GREP1: variants seen among roughly 807,000 people sequenced by gnomAD.
GREP1 encodes the protein glycine rich extracellular protein 1, also known as glycine-rich extracellular protein 1.
chr16:2,995,006 G>A (rs897942217), intron 13 of GREP1, 44 bp downstream of exon 14: 9 of 398,920 alleles, frequency 2.3e-5, no homozygotes, highest in African/African-American at 4.1e-5. Context: ...GCATCTGGGC[G>A]GCCTCTTCCT....
rs1421987919 is a variant in GREP1, at chr16:2,992,991, T to C, written c.385+28T>C. ...GAGCCACTCCCTGTCCCTGTCTCCCTGCCCATTTCCTATGCATCTGCCGCT... is the reference window on the plus strand; with the variant it reads ...GAGCCACTCCCTGTCCCTGTCTCCCCGCCCATTTCCTATGCATCTGCCGCT... On this transcript the variant is annotated intron_variant, in intron 10 of 34. Coordinates refer to ENST00000573315, the Ensembl canonical transcript of GREP1. The surrounding 1 kb of genome is among the most constrained non-coding windows in gnomAD (Gnocchi z 4.9). 4 of 398,932 alleles carry C rather than the reference T, an allele frequency of 1.0e-5. No individual in the cohort carries two copies. Among genetic ancestry groups the C allele is most frequent in the Non-Finnish European group, 1.8e-5 (4 of 226,082 alleles). 24.7% of individuals were successfully genotyped at this position (398,932 alleles called of 1,614,324 possible). A position where few individuals can be genotyped will look rare whatever the true frequency, so the allele number is the denominator to read the frequency against.
chr16:2,998,059 A>G (rs2072435957), intron 23 of GREP1, among the ~76,000 whole-genome samples: 1 of 69,778 alleles, frequency 1.4e-5, no homozygotes, highest in Non-Finnish European at 3.1e-5. Flanking sequence ...TCAGTGGGGG[A>G]AGGGGTGGGG....
At chr16:2,990,309 CCTCT>C (rs916706955) in intron 5 of GREP1, 187 bp downstream of exon 5, 113 of 398,156 alleles carry the variant, frequency 2.8e-4, no homozygotes, top group African/African-American at 2.1e-3. Context: ...CCTCAGCTCA[CCTCT>C]CTCTCTCCCA....
intron 7 of GREP1, 116 bp from the exon 7 acceptor site, chr16:2,990,932 A>AGCCAGAGGCGAGGCCGCCCCACAC (rs1190418597): frequency 2.5e-6 from 1 of 398,690 alleles, no homozygotes; most frequent in Non-Finnish European, 4.4e-6. Context: ...AAGCCCCAGA[A>AGCCAGAGGCGAGGCCGCCCCACAC]GCCAGAGGCG....
intron 12 of GREP1, 44 bp from the exon 14 acceptor site, chr16:2,994,883 G>T (rs1596462167): frequency 2.3e-5 from 9 of 399,218 alleles, no homozygotes; most frequent in Non-Finnish European, 4.0e-5. Context: ...CAAAACCTGA[G>T]CTCCCTCCCC....
In GREP1 at chr16:3,001,380, C is replaced by T. The variant is rs555752631; in HGVS notation, c.1585+46C>T. ...CCGAGCCGCCTGCCCAAAGGCCCCC[C>T]GTGGTCACCCCTCCAGCCATACTGG... On this transcript the variant is annotated intron_variant, in intron 34 of 34. Coordinates refer to ENST00000573315, the Ensembl canonical transcript of GREP1. 27 of 399,128 alleles carry T rather than the reference C, an allele frequency of 6.8e-5. No individual in the cohort carries two copies. The South Asian group carries it at 2.9e-3, about 43-fold the overall frequency. The allele number at this position is 399,128 out of a possible 1,614,324, so 24.7% of individuals were successfully genotyped here. A position where few individuals can be genotyped will look rare whatever the true frequency, so the allele number is the denominator to read the frequency against.
Position 2,991,072 on chromosome 16 carries a change from C to T in GREP1, c.293C>T (p.Ala98Val), listed in dbSNP as rs945911849. 12 of 399,006 alleles carry T rather than the reference C, an allele frequency of 3.0e-5. No homozygotes were observed. The highest frequency in any genetic ancestry group is 1.3e-4 in the South Asian group (1 of 7,856). The allele number at this position is 399,006 out of a possible 1,614,324, so 24.7% of individuals were successfully genotyped here. A position where few individuals can be genotyped will look rare whatever the true frequency, so the allele number is the denominator to read the frequency against. ...GGATATGGAAACGGGCTGGGAGCAG[C>T]GGCCTTCCCAGTGGCCGGAGCCCAG... The change falls in exon 8 of 35, where the codon GCG becomes GTG. Residue 98 changes from alanine (A) to valine (V), a missense_variant. By Grantham distance (64) the Ala-to-Val change is moderately conservative. Coordinates refer to ENST00000573315, the Ensembl canonical transcript of GREP1. The surrounding 1 kb of genome is among the most constrained non-coding windows in gnomAD (Gnocchi z 4.9).
chr16:3,001,146 C>G (rs1200184556), intron 33 of GREP1, 135 bp from the exon 28 acceptor site: 2 of 398,072 alleles, frequency 5.0e-6, no homozygotes, highest in Non-Finnish European at 8.9e-6. Flanking sequence ...CCCCCCGGTC[C>G]TCTGAGAAAC....
At position 2,991,472 on chromosome 16, in the gene GREP1, C is replaced by T. The variant is rs1363494654; in HGVS notation, c.322+371C>T. On this transcript the variant is annotated intron_variant, in intron 8 of 34. Coordinates refer to ENST00000573315, the Ensembl canonical transcript of GREP1. The surrounding 1 kb of genome is among the most constrained non-coding windows in gnomAD (Gnocchi z 4.9). ...GCTGGGCAGGGGCCGCAGGGAGGGG[C>T]GGGCAGGAGGGTTTAGGGTCCCAAC... 4 of 197,854 alleles carry T rather than the reference C, an allele frequency of 2.0e-5. No homozygotes were observed. Among genetic ancestry groups the T allele is most frequent in the Middle Eastern group, 1.7e-3 (1 of 592 alleles). 12.3% of individuals were successfully genotyped at this position (197,854 alleles called of 1,614,324 possible).
rs75945672 is a variant in GREP1 at position 2,995,281 on chromosome 16, A to G, written c.485-3A>G. On this transcript the variant is annotated splice_region_variant and splice_polypyrimidine_tract_variant and intron_variant, in intron 13 of 34. Coordinates refer to ENST00000573315, the Ensembl canonical transcript of GREP1. ...ACCTCATCTGCTCCCCATTTTCCCA[A>G]AGGCTTTAGAGGGGACATGAAGGCA... 567 of 398,780 alleles carry G rather than the reference A, an allele frequency of 1.4e-3. 13 individuals carry two copies. In the East Asian group the frequency reaches 0.02, roughly 14 times the overall value. 24.7% of individuals were successfully genotyped at this position (398,780 alleles called of 1,614,324 possible). A position where few individuals can be genotyped will look rare whatever the true frequency, so the allele number is the denominator to read the frequency against.
chr16:2,995,362 C>T (rs1317751365), intron 14 of GREP1, 46 bp downstream of exon 15: 2 of 398,802 alleles, frequency 5.0e-6, no homozygotes, highest in South Asian at 1.3e-4. Flanking sequence ...TGTTCAGAGC[C>T]CCCTTCCCCC....
Position 2,994,601 on chromosome 16 carries a change from G to A in GREP1, c.386-97G>A, listed in dbSNP as rs1469796262. The A allele has an allele frequency of 1.5e-5, 6 of 398,386 alleles. No homozygotes were observed. In the East Asian group the frequency reaches 2.1e-4, roughly 14 times the overall value. 24.7% of individuals were successfully genotyped at this position (398,386 alleles called of 1,614,324 possible). On this transcript the variant is annotated intron_variant, in intron 10 of 34. Transcript: ENST00000573315. ...GCTGAGGAAAGGAACCTGCCTTTCT[G>A]GCTCGTTGAAGTTGGGGGTGGGGAC...
chr16:2,994,788 T>C lies in GREP1; in HGVS notation c.416-18T>C. 1 of 399,122 alleles carries C rather than the reference T, an allele frequency of 2.5e-6. No homozygotes were observed. Among genetic ancestry groups the C allele is most frequent in the Non-Finnish European group, 4.4e-6 (1 of 226,182 alleles). 24.7% of individuals were successfully genotyped at this position (399,122 alleles called of 1,614,324 possible). A position where few individuals can be genotyped will look rare whatever the true frequency, so the allele number is the denominator to read the frequency against. On this transcript the variant is annotated intron_variant, in intron 11 of 34. Transcript: ENST00000573315. ...CTGGGGCCCCAGGTTCCTCACCTGC[T>C]CCCTGTCTCTCCACCAGGCTATGTG...
chr16:3,001,952 G>C (rs1302987230), exon 35 of GREP1: 3 of 277,682 alleles, frequency 1.1e-5, no homozygotes, highest in Admixed American at 5.3e-5. Flanking sequence ...GCATGGAAAA[G>C]AACACTTCAT....
Position 2,992,708 on chromosome 16 carries a change from GGGGTC to G in GREP1, c.323-96_323-92del. ...ACACAAGACAGAAAGGCAGAGGGCA[GGGGTC>G]ACGCGAGACAGAAAGGGAGAGGGCA... On this transcript the variant is annotated intron_variant, in intron 8 of 34. Coordinates refer to ENST00000573315, the Ensembl canonical transcript of GREP1. The surrounding 1 kb of genome is among the most constrained non-coding windows in gnomAD (Gnocchi z 4.9). 2.5e-6 allele frequency: 1 copy of G among 397,534 alleles called. No individual in the cohort carries two copies. The highest frequency in any genetic ancestry group is 4.4e-6 in the Non-Finnish European group (1 of 225,482). The allele number at this position is 397,534 out of a possible 1,614,324, so 24.6% of individuals were successfully genotyped here.
intron 18 of GREP1, 83 bp from the exon 18 acceptor site, chr16:2,996,413 C>A (rs1330146027): frequency 2.5e-6 from 1 of 398,358 alleles, no homozygotes; most frequent in Non-Finnish European, 4.4e-6. Context: ...GGCCCTGGGC[C>A]CCCGCCCTGT....
intron 23 of GREP1, 73 bp downstream of exon 21, chr16:2,997,908 G>A: frequency 2.5e-6 from 1 of 398,420 alleles, no homozygotes; most frequent in African/African-American, 2.1e-5. Flanking sequence ...CCCCTCCCAA[G>A]CTGTACCCTG....
At position 2,995,923 on chromosome 16, in the gene GREP1, G is replaced by A. The variant is rs149164427; in HGVS notation, c.676+13G>A. The A allele has an allele frequency of 9.0e-4, 357 of 398,128 alleles. 1 individual carries two copies. Among genetic ancestry groups the A allele is most frequent in the African/African-American group, 4.8e-3 (232 of 48,492 alleles). The allele number at this position is 398,128 out of a possible 1,614,324, so 24.7% of individuals were successfully genotyped here. A position where few individuals can be genotyped will look rare whatever the true frequency, so the allele number is the denominator to read the frequency against. On this transcript the variant is annotated intron_variant, in intron 18 of 34. Coordinates refer to ENST00000573315, the Ensembl canonical transcript of GREP1. The stretch of plus-strand genomic sequence containing the variant: ...GGAACCCAGCCAGGTGAGGACACCT[G>A]GGGTAGGAGCCCAGGCTTTTTTTTT...
chr16:2,993,031 C>T (rs1321719413), intron 10 of GREP1, 68 bp downstream of exon 11: 4 of 398,316 alleles, frequency 1.0e-5, no homozygotes, highest in Non-Finnish European at 1.3e-5. Flanking sequence ...CCCTAGAGTC[C>T]CTGATCTCCC....
Sources: allele counts gnomAD v4.1 joint callset (sites outside exome capture counted in the v4.1 genomes callset), GRCh38; gene constraint gnomAD v4.1.1; non-coding constraint Gnocchi (gnomAD v3.1); transcripts MANE v1.5; gene names NCBI Gene and HGNC (gene_info 2026-07-23, HGNC 2026-07-21).